The following DNAH9 variants were observed in gnomAD, a reference collection of about 807,000 sequenced individuals.
DNAH9 encodes the protein dynein axonemal heavy chain 9, also known as DNAH9 variant protein.
In DNAH9, 345 loss-of-function variants were observed where a neutral mutation model predicts 471.6. That is an observed-to-expected ratio of 0.73 (90% CI 0.67 to 0.80). The LOEUF (loss-of-function observed/expected upper bound fraction) is 0.80, where lower values mean the gene tolerates loss of function less well. Among genes scored for constraint, DNAH9 ranks in the 30% least tolerant of loss-of-function variants. The pLI, the probability that DNAH9 is intolerant of heterozygous loss-of-function variation, is 0.00. For synonymous variants in DNAH9, 2,093 were observed against 2,123.6 expected, an observed-to-expected ratio of 0.99 and a Z score of 0.40; for missense variants, 5,407 against 5,609.2, an observed-to-expected ratio of 0.96 and a Z score of 1.15.
At chr17:11,621,137 C>T (rs1042360673) in intron 6 of DNAH9, among the ~76,000 whole-genome samples, 7 of 152,090 alleles carry the variant, frequency 4.6e-5, no homozygotes, top group East Asian at 1.9e-4. Flanking sequence ...AGGCCGGGCA[C>T]GGTGGCTCTC....
At chr17:11,790,121 G>T (rs74812075) in intron 41 of DNAH9, among the ~76,000 whole-genome samples, 7 of 134,234 alleles carry the variant, frequency 5.2e-5, no homozygotes, top group Non-Finnish European at 1.7e-5. Context: ...GATGTGCAGG[G>T]TTTTTTTTTA....
intron 18 of DNAH9, 101 bp from the exon 19 acceptor site, chr17:11,680,622 C>A: frequency 3.0e-6 from 3 of 984,818 alleles, no homozygotes; most frequent in Non-Finnish European, 4.7e-6. Context: ...ATTGTACCAT[C>A]TTGTAGCACA....
rs61732585 is a variant in DNAH9 at position 11,756,639 on chromosome 17, C to T, written c.6810C>T (p.His2270=). The change falls in exon 34 of 69, where the codon CAC becomes CAT. Residue 2270 remains histidine, a synonymous_variant. Transcript: ENST00000262442. ...TGAAGCTCCTCTTTGAGATCAGCCACCTGCGCACAGCCACTCCAGCAACTG... is the reference window on the plus strand; with the variant it reads ...TGAAGCTCCTCTTTGAGATCAGCCATCTGCGCACAGCCACTCCAGCAACTG... The part of the protein sequence containing the change: ...PTMKLLFEIS[H]LRTATPATVS... 3.5e-3 allele frequency: 5,671 copies of T among 1,613,514 alleles called. 33 individuals are homozygous for T. The highest frequency in any genetic ancestry group is 0.014 in the South Asian group (1,257 of 91,040).
At chr17:11,756,512 G>C in intron 33 of DNAH9, 56 bp from the exon 34 acceptor site, 1 of 976,676 alleles carries the variant, frequency 1.0e-6, no homozygotes, top group Non-Finnish European at 1.7e-6. Flanking sequence ...ATCCCCACAG[G>C]CTGGCAAGGC....
At chr17:11,738,394 G>A (rs1466831109) in intron 28 of DNAH9, among the ~76,000 whole-genome samples, 2 of 152,030 alleles carry the variant, frequency 1.3e-5, no homozygotes, top group East Asian at 3.9e-4. Flanking sequence ...TTTCTGTTTT[G>A]TTTTGAGACG....
intron 61 of DNAH9, among the ~76,000 whole-genome samples, chr17:11,913,314 T>C (rs1973846159): frequency 6.6e-6 from 1 of 152,182 alleles, no homozygotes; most frequent in Admixed American, 6.5e-5. Context: ...AGTTATATAT[T>C]TACTCAAAGT....
intron 31 of DNAH9, among the ~76,000 whole-genome samples, chr17:11,746,938 C>CA (rs927106558): frequency 6.6e-6 from 1 of 151,736 alleles, no homozygotes; most frequent in Non-Finnish European, 1.5e-5. Context: ...TTGTGAGATT[C>CA]AAAAAAATCA....
At chr17:11,835,914 G>A (rs752404452) in intron 49 of DNAH9, among the ~76,000 whole-genome samples, 9 of 152,256 alleles carry the variant, frequency 5.9e-5, no homozygotes, top group African/African-American at 9.6e-5. Context: ...CCCCCATGCC[G>A]AATACTCTGC....
intron 64 of DNAH9, among the ~76,000 whole-genome samples, chr17:11,933,144 T>C (rs1255555359): frequency 1.3e-5 from 2 of 152,162 alleles, no homozygotes; most frequent in Non-Finnish European, 2.9e-5. Context: ...CTTTGTTTAT[T>C]CCCTTTGAAC....
chr17:11,635,349 T>TA (rs1412356257), intron 8 of DNAH9, among the ~76,000 whole-genome samples: 1 of 129,936 alleles, frequency 7.7e-6, no homozygotes, highest in African/African-American at 2.8e-5. Flanking sequence ...TTTTTTTTTT[T>TA]TTTTTTTTTT....
At chr17:11,853,044 A>C (rs1971488508) in intron 49 of DNAH9, 1 of 151,570 alleles carries the variant, frequency 6.6e-6, no homozygotes, top group Admixed American at 6.6e-5. Flanking sequence ...GGTCCCTTTA[A>C]AGGAAGTGGC....
chr17:11,629,371 A>G (rs773141899), intron 6 of DNAH9, 46 bp from the exon 7 acceptor site: 7 of 1,561,098 alleles, frequency 4.5e-6, no homozygotes, highest in Non-Finnish European at 5.3e-6. Flanking sequence ...TCCTTGCGAT[A>G]GTTTGCTGAG....
chr17:11,648,455 CAGTTTCCATG>C (rs780897699), intron 12 of DNAH9, among the ~76,000 whole-genome samples: 52 of 152,280 alleles, frequency 3.4e-4, no homozygotes, highest in Non-Finnish European at 6.6e-4. Context: ...AAGTAGGCCA[CAGTTTCCATG>C]TTGTAATATA....
At chr17:11,742,078 T>A in intron 29 of DNAH9, 97 bp from the exon 30 acceptor site, 1 of 1,123,506 alleles carries the variant, frequency 8.9e-7, no homozygotes, top group Non-Finnish European at 1.3e-6. Context: ...CACAGATGCC[T>A]CCATGTGTGA....
At chr17:11,877,473 TAA>T (rs550300868) in intron 53 of DNAH9, among the ~76,000 whole-genome samples, 83 of 68,620 alleles carry the variant, frequency 1.2e-3, no homozygotes, top group African/African-American at 5.5e-3. Context: ...AAACTCTGTC[TAA>T]AAAAAAAAAA....
At chr17:11,868,745 T>C (rs1463081242) in intron 50 of DNAH9, among the ~76,000 whole-genome samples, 1 of 152,082 alleles carries the variant, frequency 6.6e-6, no homozygotes, top group Non-Finnish European at 1.5e-5. Flanking sequence ...GTCAGGCTAC[T>C]GGAACCCATT....
intron 50 of DNAH9, among the ~76,000 whole-genome samples, chr17:11,859,844 C>A (rs527595012): frequency 7.7e-4 from 118 of 152,266 alleles, no homozygotes; most frequent in Non-Finnish European, 1.4e-3. Flanking sequence ...GAAAGACCCG[C>A]CCCCATGATC....
chr17:11,891,850 A>C lies in DNAH9; in HGVS notation c.11186A>C (p.Asn3729Thr), dbSNP rs769270150. 1.2e-5 allele frequency: 19 copies of C among 1,614,104 alleles called. No homozygotes were observed. Among genetic ancestry groups the C allele is most frequent in the Non-Finnish European group, 1.6e-5 (19 of 1,180,012 alleles). Reference sequence around the variant, plus strand: ...GAAAGCCTCAGGGAGCGGGTGGCCAACCTAATAGACAGCATAACCTTCTCT... The same window carrying C: ...GAAAGCCTCAGGGAGCGGGTGGCCACCCTAATAGACAGCATAACCTTCTCT... The part of the protein sequence containing the change: ...PDESLRERVA[N>T]LIDSITFSVY... Residue 3729 changes from asparagine to threonine, a missense_variant, in exon 58 of 69, where the codon AAC becomes ACC. Physicochemically the swap from Asn to Thr is moderately conservative, Grantham distance 65 (BLOSUM62 0). Around this residue, in one of 3 missense-constraint regions of DNAH9, gnomAD observed 4,636 missense variants for 4,900.3 expected, o/e 0.95. Coordinates refer to ENST00000262442, the MANE Select transcript of DNAH9 (RefSeq NM_001372.4).
At position 11,705,086 on chromosome 17, in the gene DNAH9, T is replaced by C; in HGVS notation, c.5453T>C (p.Val1818Ala). The C allele has an allele frequency of 6.2e-7, 1 of 1,614,120 alleles. No individual in the cohort carries two copies. Among genetic ancestry groups the C allele is most frequent in the Non-Finnish European group, 8.5e-7 (1 of 1,179,978 alleles). ...SQLRHRWDDE[V>A]KHCFANICDA... Reference sequence around the variant, plus strand: ...CTGCGCCATCGTTGGGATGACGAGGTCAAACACTGCTTTGCCAACATCTGT... The same window carrying C: ...CTGCGCCATCGTTGGGATGACGAGGCCAAACACTGCTTTGCCAACATCTGT... The change falls in exon 26 of 69, where the codon GTC becomes GCC. Residue 1818 changes from valine (V) to alanine (A), a missense_variant. Physicochemically the swap from Val to Ala is moderately conservative, Grantham distance 64 (BLOSUM62 0). Transcript: ENST00000262442.
Sources: gnomAD v4.1 joint callset for allele counts (sites outside exome capture counted in the v4.1 genomes callset) on GRCh38, gnomAD v4.1.1 for gene constraint, gnomAD v4.1.1 regional missense constraint, MANE v1.5 for transcripts, NCBI Gene and HGNC (gene_info 2026-07-23, HGNC 2026-07-21) for gene names.